Variants in PDE7B observed in about 807,000 individuals in gnomAD.
PDE7B encodes the protein 3',5'-cyclic-AMP phosphodiesterase 7B.
PDE7B carries 29 observed loss-of-function variants against 56.2 expected under a neutral mutation model. The observed-to-expected ratio is 0.52, with a 90% CI of 0.38 to 0.70. The LOEUF (loss-of-function observed/expected upper bound fraction) is 0.70. Among genes scored for constraint, PDE7B ranks in the 30% least tolerant of loss-of-function variants. The pLI, the probability that PDE7B is intolerant of heterozygous loss-of-function variation, is 0.00. For synonymous variants in PDE7B, 197 were observed against 196.9 expected (o/e 1.00, Z 0.00); for missense variants, 490 against 565.0 (o/e 0.87, Z 1.35).
At chr6:136,168,293 C>A (rs1205809569) in intron 8 of PDE7B, among the ~76,000 whole-genome samples, 1 of 152,108 alleles carries the variant, frequency 6.6e-6, no homozygotes, top group Non-Finnish European at 1.5e-5. Context: ...GGGACAATTT[C>A]ATAAAGCATT....
rs534014650 is a variant in PDE7B at position 136,127,821 on chromosome 6, T to C, written c.166+19007T>C. ...GTTTTGACCAAGTCATGCTGAGAAA[T>C]TTGCAACTGCAGCATTCACTGGGGT... On this transcript the variant is annotated intron_variant, in intron 3 of 12. Coordinates refer to ENST00000308191, the MANE Select transcript of PDE7B (RefSeq NM_018945.4). 1.3e-4 allele frequency among the ~76,000 whole-genome samples: 20 copies of C among 152,188 alleles called. No individual in the cohort carries two copies. In the East Asian group the frequency reaches 3.5e-3, roughly 26 times the overall value.
chr6:136,125,325 G>A (rs963073913), intron 3 of PDE7B, among the ~76,000 whole-genome samples: 1 of 152,170 alleles, frequency 6.6e-6, no homozygotes, highest in Non-Finnish European at 1.5e-5. Context: ...TCGTGAATTA[G>A]CACTGTGGGA....
intron 3 of PDE7B, among the ~76,000 whole-genome samples, chr6:136,141,130 G>A (rs1271407655): frequency 6.6e-6 from 1 of 152,062 alleles, no homozygotes; most frequent in African/African-American, 2.4e-5. Flanking sequence ...ATTATTTTGA[G>A]ATACGTCCCA....
intron 2 of PDE7B, among the ~76,000 whole-genome samples, chr6:136,097,478 C>A (rs532650548): frequency 6.6e-6 from 1 of 152,202 alleles, no homozygotes; most frequent in East Asian, 1.9e-4. Flanking sequence ...CTTCCCTCTC[C>A]CAGCATCAGC....
intron 1 of PDE7B, among the ~76,000 whole-genome samples, chr6:135,911,431 A>G (rs1461606209): frequency 6.6e-6 from 1 of 152,234 alleles, no homozygotes; most frequent in Non-Finnish European, 1.5e-5. Flanking sequence ...GGATTTTCTC[A>G]ACACTCAACA....
rs752187218 is a variant in PDE7B at position 136,191,013 on chromosome 6, CTTTTTTT to C, written c.1127-583_1127-577del. On this transcript the variant is annotated intron_variant, in intron 12 of 12. Coordinates refer to ENST00000308191, the MANE Select transcript of PDE7B (RefSeq NM_018945.4). ...CTGCCTTCTTTAGCTCCAGCATACA[CTTTTTTT>C]TTTTTTTTTTTTTTTTTACTTATAT... 2.8e-3 allele frequency among the ~76,000 whole-genome samples: 278 copies of C among 99,312 alleles called. 6 individuals carry two copies. Among genetic ancestry groups the C allele is most frequent in the African/African-American group, 0.023 (255 of 11,144 alleles). The allele number at this position is 99,312 out of a possible 152,430, so 65.2% of individuals were successfully genotyped here.
chr6:136,162,542 C>G (rs558467920), intron 8 of PDE7B, among the ~76,000 whole-genome samples: 8 of 152,252 alleles, frequency 5.3e-5, no homozygotes, highest in Admixed American at 2.0e-4. Context: ...ACATATCATT[C>G]TGCCCCCAGC....
intron 1 of PDE7B, among the ~76,000 whole-genome samples, chr6:135,895,047 A>G (rs1036318918): frequency 6.6e-6 from 1 of 152,072 alleles, no homozygotes; most frequent in Non-Finnish European, 1.5e-5. Context: ...ATAAATTTCT[A>G]TAAATAGAGT....
chr6:135,919,320 C>T (rs746917688), intron 1 of PDE7B, among the ~76,000 whole-genome samples: 1 of 152,152 alleles, frequency 6.6e-6, no homozygotes. Flanking sequence ...AGGAGGCTTA[C>T]CTAGGGAACC....
At position 136,154,076 on chromosome 6, in the gene PDE7B, C is replaced by A; in HGVS notation, c.480C>A (p.Val160=). The A allele has an allele frequency of 6.2e-7, 1 of 1,609,970 alleles. No homozygotes were observed. Among genetic ancestry groups the A allele is most frequent in the Non-Finnish European group, 8.5e-7 (1 of 1,176,330 alleles). The part of the protein sequence containing the change: ...LDMVTLHRFL[V]MVQEDYHSQN... ...TTGAGTTATCTGTTTACCTCCCAGT[C>A]ATGGTTCAAGAAGATTACCACAGCC... is the stretch of plus-strand genomic sequence containing the variant. The change falls in exon 7 of 13, where the codon GTC becomes GTA. Residue 160 remains valine, a splice_region_variant and synonymous_variant. Coordinates refer to ENST00000308191, the MANE Select transcript of PDE7B (RefSeq NM_018945.4).
At chr6:135,937,254 C>G (rs1774436794) in intron 1 of PDE7B, among the ~76,000 whole-genome samples, 1 of 152,194 alleles carries the variant, frequency 6.6e-6, no homozygotes, top group Admixed American at 6.5e-5. Context: ...TTGCCTTGAA[C>G]AGATGGCCTG....
rs144781410 is a variant in PDE7B at position 136,153,960 on chromosome 6, C to T, written c.479-115C>T. On this transcript the variant is annotated intron_variant, in intron 6 of 12. Transcript: ENST00000308191. ...CGTTTATTTTTAAAGCATCTCTATG[C>T]TGCACATTTTGGAGGCACTGATATT... 2.8e-4 allele frequency: 188 copies of T among 675,606 alleles called. No individual in the cohort carries two copies. The East Asian group carries it at 5.1e-3, about 18-fold the overall frequency. 41.9% of individuals were successfully genotyped at this position (675,606 alleles called of 1,614,324 possible).
At chr6:136,165,961 A>T (rs1178637631) in intron 8 of PDE7B, among the ~76,000 whole-genome samples, 2 of 152,210 alleles carry the variant, frequency 1.3e-5, no homozygotes, top group African/African-American at 4.8e-5. Flanking sequence ...CGTGATGCTT[A>T]ATCTTAAACC....
intron 1 of PDE7B, among the ~76,000 whole-genome samples, chr6:135,903,766 G>A (rs1377548285): frequency 6.6e-6 from 1 of 152,088 alleles, no homozygotes; most frequent in Non-Finnish European, 1.5e-5. Context: ...ACAAAATCTT[G>A]TATTTTTAGA....
rs869049424 is a variant in PDE7B, at chr6:135,906,810, G to GTTTTTTTTTTTTTTTTTTTTTT, written c.22-40649_22-40628dup. ...TTTGACTCAAATGTTAATGAGGTTT[G>GTTTTTTTTTTTTTTTTTTTTTT]TTTTTTTTTTTTTTTTTTTTTTTTT... On this transcript the variant is annotated intron_variant, in intron 1 of 12. Coordinates refer to ENST00000308191, the MANE Select transcript of PDE7B (RefSeq NM_018945.4). Among the ~76,000 whole-genome samples, 20 of 59,542 alleles carry GTTTTTTTTTTTTTTTTTTTTTT rather than the reference G, an allele frequency of 3.4e-4. 3 individuals carry two copies. The highest frequency in any genetic ancestry group is 9.9e-4 in the Admixed American group (4 of 4,030). The allele number at this position is 59,542 out of a possible 152,430, so 39.1% of individuals were successfully genotyped here. A position where few individuals can be genotyped will look rare whatever the true frequency, so the allele number is the denominator to read the frequency against.
intron 2 of PDE7B, among the ~76,000 whole-genome samples, chr6:136,079,576 C>T (rs181841464): frequency 2.0e-5 from 3 of 152,118 alleles, no homozygotes; most frequent in African/African-American, 4.8e-5. Context: ...TCTTTACACA[C>T]AGACCACTTA....
intron 2 of PDE7B, among the ~76,000 whole-genome samples, chr6:135,990,164 C>T (rs184407450): frequency 5.5e-4 from 83 of 150,016 alleles, no homozygotes; most frequent in Admixed American, 3.4e-3. Flanking sequence ...GGCACCATCT[C>T]GGCTCACTGC....
At chr6:136,091,739 G>A (rs1305140017) in intron 2 of PDE7B, among the ~76,000 whole-genome samples, 1 of 152,224 alleles carries the variant, frequency 6.6e-6, no homozygotes, top group African/African-American at 2.4e-5. Flanking sequence ...TGAATCTCCA[G>A]TGTGCTGAAA....
chr6:136,129,039 T>C (rs1163915329), intron 3 of PDE7B, among the ~76,000 whole-genome samples: 1 of 152,198 alleles, frequency 6.6e-6, no homozygotes, highest in Non-Finnish European at 1.5e-5. Flanking sequence ...CATTGATTCA[T>C]TAACTCTTTC....
Sources: gnomAD v4.1 joint callset for allele counts (sites outside exome capture counted in the v4.1 genomes callset) on GRCh38, gnomAD v4.1.1 for gene constraint, MANE v1.5 for transcripts, NCBI Gene and HGNC (gene_info 2026-07-23, HGNC 2026-07-21) for gene names.